ANKS1B: variants seen among roughly 807,000 people sequenced by gnomAD.
The protein encoded by ANKS1B is ankyrin repeat and sterile alpha motif domain-containing protein 1B.
A neutral mutation model predicts 148.3 loss-of-function variants in ANKS1B; 36 were observed. That is an observed-to-expected ratio of 0.24 (90% CI 0.19 to 0.32). ANKS1B has a LOEUF of 0.32. Ranked by LOEUF, ANKS1B falls within the 10% of genes least tolerant of loss-of-function variation. The probability of loss-of-function intolerance (pLI) is 1.00; values close to 1 mark genes in which losing one functional copy is unlikely to be tolerated. For missense variants in ANKS1B, 1,157 were observed against 1,542.6 expected (o/e 0.75, Z 4.19); for synonymous variants, 542 against 560.8 (o/e 0.97, Z 0.47).
chr12:99,695,180 G>A (rs1377313246), intron 8 of ANKS1B, among the ~76,000 whole-genome samples: 2 of 146,110 alleles, frequency 1.4e-5, no homozygotes, highest in Non-Finnish European at 2.9e-5. Flanking sequence ...AAATTCAGAA[G>A]TAGCCTATAG....
Position 99,410,034 on chromosome 12 carries a change from G to A in ANKS1B, c.1576-10223C>T, listed in dbSNP as rs185303359. Among the ~76,000 whole-genome samples, 633 of 152,296 alleles carry A rather than the reference G, an allele frequency of 4.2e-3. 3 individuals are homozygous for A. Among genetic ancestry groups the A allele is most frequent in the African/African-American group, 0.014 (593 of 41,562 alleles). On this transcript the variant is annotated intron_variant, in intron 11 of 26. Coordinates refer to ENST00000683438, the MANE Select transcript of ANKS1B (RefSeq NM_001352186.2). Reference sequence around the variant, plus strand: ...GCTTCTATACATATTTACTTAGCAGGAGTCAGCAAACTACATCTTATGTGC... The same window carrying A: ...GCTTCTATACATATTTACTTAGCAGAAGTCAGCAAACTACATCTTATGTGC...
intron 17 of ANKS1B, among the ~76,000 whole-genome samples, chr12:98,843,169 G>A (rs575108982): frequency 1.9e-4 from 29 of 152,162 alleles, no homozygotes; most frequent in Non-Finnish European, 4.3e-4. Context: ...GCTTTAAATT[G>A]GATCTCCAAT....
intron 20 of ANKS1B, among the ~76,000 whole-genome samples, chr12:98,802,640 A>G (rs1321331995): frequency 6.3e-5 from 6 of 94,772 alleles, no homozygotes; most frequent in South Asian, 3.6e-4. Flanking sequence ...TTAGCAGTGG[A>G]GTGCCTGAAG....
downstream of ANKS1B, among the ~76,000 whole-genome samples, chr12:98,739,357 C>G (rs2097787414): frequency 6.6e-6 from 1 of 152,194 alleles, no homozygotes; most frequent in Admixed American, 6.5e-5. Context: ...GTATCTGTGC[C>G]TGTAGAGATT....
intron 1 of ANKS1B, among the ~76,000 whole-genome samples, chr12:99,877,434 T>C (rs2092186485): frequency 6.6e-6 from 1 of 152,178 alleles, no homozygotes; most frequent in Admixed American, 6.5e-5. Context: ...GTCCTAGGAA[T>C]TCCTTCTGTC....
At chr12:98,881,326 C>A (rs904378118) in intron 17 of ANKS1B, among the ~76,000 whole-genome samples, 1 of 152,054 alleles carries the variant, frequency 6.6e-6, no homozygotes, top group Non-Finnish European at 1.5e-5. Context: ...GCTTTTATAG[C>A]TTTCCAGGTA....
intron 15 of ANKS1B, among the ~76,000 whole-genome samples, chr12:99,151,136 T>C (rs1476375099): frequency 2.0e-5 from 3 of 152,144 alleles, no homozygotes; most frequent in Non-Finnish European, 4.4e-5. Flanking sequence ...AAAAGTTGTT[T>C]GAAATTTTGT....
chr12:99,670,413 A>T (rs953766672), intron 8 of ANKS1B, among the ~76,000 whole-genome samples: 19 of 152,106 alleles, frequency 1.2e-4, no homozygotes, highest in African/African-American at 4.6e-4. Flanking sequence ...TTTTACAACC[A>T]ACCTGAACTT....
At chr12:99,446,586 A>T (rs1010279583) in intron 10 of ANKS1B, among the ~76,000 whole-genome samples, 14 of 152,092 alleles carry the variant, frequency 9.2e-5, no homozygotes, top group African/African-American at 3.4e-4. Context: ...GACTGATGCC[A>T]TGTTACCCTT....
chr12:98,861,983 T>C (rs2099601403), intron 17 of ANKS1B, among the ~76,000 whole-genome samples: 2 of 152,222 alleles, frequency 1.3e-5, no homozygotes, highest in African/African-American at 2.4e-5. Flanking sequence ...CCTGTTTCCA[T>C]ATGTTTAAAA....
At chr12:99,423,461 C>T (rs2095156807) in intron 11 of ANKS1B, among the ~76,000 whole-genome samples, 1 of 152,150 alleles carries the variant, frequency 6.6e-6, no homozygotes, top group South Asian at 2.1e-4. Flanking sequence ...AAATACCTTT[C>T]AACCCAGCAA....
At chr12:99,748,602 A>C (rs2060820661) in intron 8 of ANKS1B, among the ~76,000 whole-genome samples, 1 of 152,076 alleles carries the variant, frequency 6.6e-6, no homozygotes, top group East Asian at 1.9e-4. Context: ...TACAGCAATA[A>C]ACTAAGTAGA....
intron 9 of ANKS1B, among the ~76,000 whole-genome samples, chr12:99,598,589 T>C (rs1040473237): frequency 2.6e-5 from 4 of 151,964 alleles, no homozygotes; most frequent in Non-Finnish European, 4.4e-5. Context: ...ACTATAAACA[T>C]ACAGATGTTA....
intron 17 of ANKS1B, among the ~76,000 whole-genome samples, chr12:98,842,093 T>TAC (rs1289576225): frequency 6.6e-6 from 1 of 152,158 alleles, no homozygotes; most frequent in Non-Finnish European, 1.5e-5. Flanking sequence ...TAAAAATGAA[T>TAC]ACATATGCCC....
chr12:99,530,271 T>C (rs1406674785), intron 9 of ANKS1B, among the ~76,000 whole-genome samples: 1 of 152,214 alleles, frequency 6.6e-6, no homozygotes, highest in Non-Finnish European at 1.5e-5. Context: ...GTAGGCTTCC[T>C]ACTCCTACAC....
chr12:99,964,119 A>C (rs2095454578), intron 1 of ANKS1B, among the ~76,000 whole-genome samples: 1 of 152,168 alleles, frequency 6.6e-6, no homozygotes, highest in South Asian at 2.1e-4. Flanking sequence ...CCACAACACT[A>C]TACATGAAAA....
At chr12:99,241,968 A>T (rs2153965840) in intron 14 of ANKS1B, among the ~76,000 whole-genome samples, 1 of 152,304 alleles carries the variant, frequency 6.6e-6, no homozygotes, top group African/African-American at 2.4e-5. Context: ...AACTGGAAGC[A>T]TTCCCTTTGA....
At chr12:99,742,107 G>A (rs1364899259) in intron 8 of ANKS1B, among the ~76,000 whole-genome samples, 2 of 151,810 alleles carry the variant, frequency 1.3e-5, no homozygotes, top group Non-Finnish European at 2.9e-5. Flanking sequence ...ATTGGAGGGT[G>A]GAAGGTGGTA....
chr12:99,932,545 A>G (rs982624538), intron 1 of ANKS1B, among the ~76,000 whole-genome samples: 2 of 152,074 alleles, frequency 1.3e-5, no homozygotes, highest in East Asian at 1.9e-4. Context: ...ACATCTTTTC[A>G]TATGCCTGTC....
Sources: allele counts gnomAD v4.1 joint callset (sites outside exome capture counted in the v4.1 genomes callset), GRCh38; gene constraint gnomAD v4.1.1; transcripts MANE v1.5; gene names NCBI Gene and HGNC (gene_info 2026-07-23, HGNC 2026-07-21).